UHRF2: variants seen among roughly 807,000 people sequenced by gnomAD.
The protein encoded by UHRF2 is ubiquitin like with PHD and ring finger domains 2, also known as E3 ubiquitin-protein ligase UHRF2.
UHRF2 carries 23 observed loss-of-function variants against 96.8 expected under a neutral mutation model. The ratio of observed to expected loss-of-function variants is 0.24; its 90% CI spans 0.17 to 0.34. The LOEUF is 0.34. UHRF2 is among the 10% of genes least tolerant of loss of function. The pLI, the probability that UHRF2 is intolerant of heterozygous loss-of-function variation, is 1.00. For synonymous variants in UHRF2, 385 were observed against 332.6 expected, an observed-to-expected ratio of 1.16 and a Z score of -1.72; for missense variants, 685 against 981.5, an observed-to-expected ratio of 0.70 and a Z score of 4.04.
intron 2 of UHRF2, among the ~76,000 whole-genome samples, chr9:6,432,478 A>G (rs1329213337): frequency 1.3e-5 from 2 of 152,216 alleles, no homozygotes; most frequent in Non-Finnish European, 2.9e-5. Context: ...GCAAGAACAT[A>G]AGCTTCAAAG....
chr9:6,424,549 T>A (rs1403939596), intron 2 of UHRF2, among the ~76,000 whole-genome samples: 2 of 152,226 alleles, frequency 1.3e-5, no homozygotes, highest in African/African-American at 2.4e-5. Flanking sequence ...TAGAACAGTT[T>A]TAGATTTGTA....
intron 14 of UHRF2, chr9:6,504,277 G>A (rs148739616): frequency 8.3e-4 from 137 of 165,330 alleles, no homozygotes; most frequent in Middle Eastern, 3.0e-3. Flanking sequence ...CGCCTGCCTC[G>A]GCCTCCCAAA....
chr9:6,445,754 G>T (rs547852587), intron 3 of UHRF2, among the ~76,000 whole-genome samples: 6 of 152,112 alleles, frequency 3.9e-5, no homozygotes, highest in African/African-American at 1.4e-4. Flanking sequence ...TGTAGAGACA[G>T]GGTCTCCCTA....
chr9:6,477,836 T>C (rs1427454730), intron 6 of UHRF2, 28 bp downstream of exon 6: 1 of 1,541,334 alleles, frequency 6.5e-7, no homozygotes, highest in Admixed American at 1.9e-5. Context: ...TTGTTGTTGT[T>C]GTTCTTGCTG....
intron 3 of UHRF2, among the ~76,000 whole-genome samples, chr9:6,436,341 C>G (rs989779619): frequency 6.6e-6 from 1 of 152,102 alleles, no homozygotes; most frequent in Non-Finnish European, 1.5e-5. Context: ...CAACGATTAT[C>G]TGAGTATTTA....
intron 4 of UHRF2, among the ~76,000 whole-genome samples, chr9:6,465,362 C>A (rs1822797598): frequency 6.6e-6 from 1 of 152,022 alleles, no homozygotes; most frequent in Non-Finnish European, 1.5e-5. Flanking sequence ...CTTTTTCTTT[C>A]TTACGGTAGA....
chr9:6,433,663 G>T (rs1005238149), intron 2 of UHRF2, among the ~76,000 whole-genome samples: 4 of 152,216 alleles, frequency 2.6e-5, no homozygotes, highest in African/African-American at 4.8e-5. Context: ...GTATACGTCA[G>T]TAAGGCGTAA....
At chr9:6,417,300 T>G (rs1173011263) in intron 1 of UHRF2, among the ~76,000 whole-genome samples, 1 of 152,186 alleles carries the variant, frequency 6.6e-6, no homozygotes, top group African/African-American at 2.4e-5. Flanking sequence ...CATTTTTGCT[T>G]CTTAAGTATT....
chr9:6,493,414 T>C (rs962463067), intron 9 of UHRF2, among the ~76,000 whole-genome samples: 4 of 151,914 alleles, frequency 2.6e-5, no homozygotes, highest in African/African-American at 4.8e-5. Flanking sequence ...TAGATGTCAG[T>C]TGGAAATTTG....
At chr9:6,479,547 A>T (rs1330521275) in intron 6 of UHRF2, among the ~76,000 whole-genome samples, 1 of 152,148 alleles carries the variant, frequency 6.6e-6, no homozygotes, top group African/African-American at 2.4e-5. Context: ...ATCTCGTCCA[A>T]TTATGAGATG....
At chr9:6,468,977 C>T (rs1563782032) in intron 4 of UHRF2, among the ~76,000 whole-genome samples, 1 of 152,026 alleles carries the variant, frequency 6.6e-6, no homozygotes, top group Admixed American at 6.6e-5. Flanking sequence ...GGCTCCATGA[C>T]GGAGGCAAAA....
chr9:6,450,112 T>G (rs1821763723), intron 3 of UHRF2, among the ~76,000 whole-genome samples: 1 of 152,202 alleles, frequency 6.6e-6, no homozygotes, highest in South Asian at 2.1e-4. Context: ...TTGGAAACAC[T>G]GACATACAAA....
Position 6,413,262 on chromosome 9 carries a change from C to T in UHRF2, c.-229C>T. 4.9e-6 allele frequency: 1 copy of T among 205,354 alleles called. No homozygotes were observed. The highest frequency in any genetic ancestry group is 9.5e-6 in the Non-Finnish European group (1 of 104,722). 12.7% of individuals were successfully genotyped at this position (205,354 alleles called of 1,614,324 possible). On this transcript the variant is annotated 5_prime_UTR_variant, in exon 1 of 16. Transcript: ENST00000276893. ...CCTATCTTTGAGGCGGTGTCTGCGG[C>T]AGCGCCTCAGAGTGGTTCCGGTCGT...
chr9:6,495,715 G>GT (rs1824924823), intron 10 of UHRF2: 1 of 152,086 alleles, frequency 6.6e-6, no homozygotes, highest in Non-Finnish European at 1.5e-5. Flanking sequence ...GTATTGCCTA[G>GT]TTTCATCCTC....
At chr9:6,481,967 T>G in intron 7 of UHRF2, 25 bp from the exon 8 acceptor site, 1 of 1,605,714 alleles carries the variant, frequency 6.2e-7, no homozygotes, top group Non-Finnish European at 8.5e-7. Flanking sequence ...AACTGATTTC[T>G]CAACGTTTGT....
At chr9:6,503,670 A>C (rs1208851855) in intron 14 of UHRF2, among the ~76,000 whole-genome samples, 2 of 152,154 alleles carry the variant, frequency 1.3e-5, no homozygotes, top group Non-Finnish European at 2.9e-5. Context: ...AAGCTCCTAA[A>C]GACAAATATT....
intron 5 of UHRF2, 149 bp downstream of exon 5, chr9:6,475,649 T>C (rs1823523807): frequency 2.6e-6 from 1 of 379,554 alleles, no homozygotes; most frequent in Non-Finnish European, 4.7e-6. Context: ...CTAAGATTCA[T>C]TTTGTTTTAA....
intron 1 of UHRF2, among the ~76,000 whole-genome samples, chr9:6,416,077 G>GT (rs908870663): frequency 6.1e-4 from 91 of 148,684 alleles, no homozygotes; most frequent in East Asian, 9.8e-4. Context: ...TGTTGTTTTT[G>GT]TTTTTTTTTT....
In UHRF2 at chr9:6,463,499, C is replaced by T. The variant is rs563427251; in HGVS notation, c.863+2708C>T. Among the ~76,000 whole-genome samples the T allele has an allele frequency of 2.7e-5, 4 of 149,514 alleles. No homozygotes were observed. In the South Asian group the frequency reaches 8.5e-4, roughly 32 times the overall value. The stretch of plus-strand genomic sequence containing the variant: ...TTTTTTTTTTTTTGGGAGATGGGGT[C>T]TCGCTCTGTTGCCCAGGCTGCATAG... On this transcript the variant is annotated intron_variant, in intron 4 of 15. Transcript: ENST00000276893.
Sources: gnomAD v4.1 joint callset for allele counts (sites outside exome capture counted in the v4.1 genomes callset) on GRCh38, gnomAD v4.1.1 for gene constraint, MANE v1.5 for transcripts, NCBI Gene and HGNC (gene_info 2026-07-23, HGNC 2026-07-21) for gene names.